The following CTNNB1 variants were observed in gnomAD, a reference collection of about 807,000 sequenced individuals.
The protein encoded by CTNNB1 is catenin beta 1.
A neutral mutation model predicts 82.5 loss-of-function variants in CTNNB1; 6 were observed. That is an observed-to-expected ratio of 0.07 (90% CI 0.04 to 0.14). CTNNB1 has a LOEUF of 0.14. CTNNB1 is among the 10% of genes least tolerant of loss of function. CTNNB1 has a pLI of 1.00. For synonymous variants in CTNNB1, 312 were observed against 329.7 expected, an observed-to-expected ratio of 0.95 and a Z score of 0.58; for missense variants, 529 against 980.4, an observed-to-expected ratio of 0.54 and a Z score of 6.15.
At chr3:41,202,646 T>G (rs2077558446) in intron 1 of CTNNB1, among the ~76,000 whole-genome samples, 1 of 152,202 alleles carries the variant, frequency 6.6e-6, no homozygotes, top group Admixed American at 6.5e-5. Flanking sequence ...CAGATTCAGT[T>G]GTCCTTCTCT....
intron 7 of CTNNB1, among the ~76,000 whole-genome samples, chr3:41,231,901 C>T (rs1222904481): frequency 6.6e-6 from 1 of 152,074 alleles, no homozygotes; most frequent in East Asian, 1.9e-4. Flanking sequence ...GTGGAGGGGA[C>T]AACATTGGTA....
rs146862776 is a variant in CTNNB1, at chr3:41,213,576, A to G, written c.-48-10445A>G. 1.6e-3 allele frequency among the ~76,000 whole-genome samples: 242 copies of G among 152,348 alleles called. 1 individual carries two copies. The highest frequency in any genetic ancestry group is 5.2e-3 in the African/African-American group (216 of 41,580). ...CTGATGCATAAATATTTGTTGAATG[A>G]AAGTCTGTACATTGTATTTATGCTA... On this transcript the variant is annotated intron_variant, in intron 1 of 14. Coordinates refer to ENST00000349496, the MANE Select transcript of CTNNB1 (RefSeq NM_001904.4).
In CTNNB1 at chr3:41,236,613, C is replaced by T. The variant is rs2078441737; in HGVS notation, c.1980C>T (p.Phe660=). The T allele has an allele frequency of 6.2e-7, 1 of 1,614,060 alleles. No homozygotes were observed. The highest frequency in any genetic ancestry group is 8.5e-7 in the Non-Finnish European group (1 of 1,180,050). ...CGACATATGCAGCTGCTGTTTTGTT[C>T]CGAATGTCTGAGGACAAGCCACAAG... ...GVATYAAAVL[F]RMSEDKPQDY... is the part of the protein sequence containing the mutation. The change falls in exon 13 of 15, where the codon TTC becomes TTT. Residue 660 remains phenylalanine, a synonymous_variant. Transcript: ENST00000349496.
intron 7 of CTNNB1, among the ~76,000 whole-genome samples, chr3:41,232,827 A>G (rs1466436467): frequency 1.3e-5 from 2 of 152,134 alleles, no homozygotes; most frequent in Non-Finnish European, 1.5e-5. Flanking sequence ...CTAATTATCT[A>G]TTTAAAATCG....
At chr3:41,223,100 C>T (rs1238561194) in intron 1 of CTNNB1, among the ~76,000 whole-genome samples, 2 of 152,078 alleles carry the variant, frequency 1.3e-5, no homozygotes, top group African/African-American at 4.8e-5. Flanking sequence ...ATAGTTCACA[C>T]TTAAATATTT....
At chr3:41,220,507 T>G (rs1284177460) in intron 1 of CTNNB1, 1 of 148,184 alleles carries the variant, frequency 6.7e-6, no homozygotes, top group Non-Finnish European at 1.5e-5. Flanking sequence ...TTGCATGAAG[T>G]GTGTTAAAAC....
intron 12 of CTNNB1, 42 bp from the exon 13 acceptor site, chr3:41,236,545 GT>G: frequency 6.2e-7 from 1 of 1,614,202 alleles, no homozygotes; most frequent in Non-Finnish European, 8.5e-7. Context: ...GTACATTGAA[GT>G]CTCAGTTTTT....
chr3:41,214,814 C>T (rs1469564656), intron 1 of CTNNB1, among the ~76,000 whole-genome samples: 3 of 151,706 alleles, frequency 2.0e-5, no homozygotes, highest in Non-Finnish European at 2.9e-5. Context: ...TATTTTGTGA[C>T]GTGAAAATTA....
At chr3:41,218,019 C>T (rs1243584391) in intron 1 of CTNNB1, among the ~76,000 whole-genome samples, 1 of 152,046 alleles carries the variant, frequency 6.6e-6, no homozygotes, top group Non-Finnish European at 1.5e-5. Flanking sequence ...GTTTCAATTT[C>T]GACTCATGCT....
Position 41,225,786 on chromosome 3 carries a change from C to G in CTNNB1, c.861C>G (p.Asn287Lys). The change falls in exon 6 of 15, where the codon AAC becomes AAG. Residue 287 changes from asparagine (N) to lysine (K), a missense_variant. Coordinates refer to ENST00000349496, the MANE Select transcript of CTNNB1 (RefSeq NM_001904.4). The surrounding 1 kb of genome is among the most constrained non-coding windows in gnomAD (Gnocchi z 5.3). ...TGCAGAAAATGGTTGCCTTGCTCAACAAAACAAATGTTAAATTCTTGGCTA... is the reference window on the plus strand; with the variant it reads ...TGCAGAAAATGGTTGCCTTGCTCAAGAAAACAAATGTTAAATTCTTGGCTA... ...GGLQKMVALL[N>K]KTNVKFLAIT... is the part of the protein sequence containing the mutation. The G allele has an allele frequency of 6.2e-7, 1 of 1,614,078 alleles. No homozygotes were observed. The highest frequency in any genetic ancestry group is 8.5e-7 in the Non-Finnish European group (1 of 1,179,990).
At position 41,227,359 on chromosome 3, in the gene CTNNB1, A is replaced by AT. The variant is rs765837413; in HGVS notation, c.1081+8dup. The AT allele has an allele frequency of 2.5e-6, 4 of 1,613,512 alleles. No homozygotes were observed. The African/African-American group carries it at 5.3e-5, about 22-fold the overall frequency. ...CCGGCTATTGTAGAAGCTGGTAAGT[A>AT]TATGTATCTATTCTGAGTCTTGTGT... On this transcript the variant is annotated splice_region_variant and intron_variant, in intron 7 of 14. Coordinates refer to ENST00000349496, the MANE Select transcript of CTNNB1 (RefSeq NM_001904.4).
At chr3:41,208,507 C>T (rs1424169998) in intron 1 of CTNNB1, among the ~76,000 whole-genome samples, 3 of 152,196 alleles carry the variant, frequency 2.0e-5, no homozygotes, top group Admixed American at 6.5e-5. Context: ...CTAGTAAATA[C>T]GTCAGTTCCA....
intron 2 of CTNNB1, 31 bp downstream of exon 2, chr3:41,224,112 T>C (rs746112994): frequency 2.5e-6 from 4 of 1,613,424 alleles, no homozygotes; most frequent in East Asian, 2.2e-5. Flanking sequence ...AGTTACTGAA[T>C]TGGGGCTCTG....
chr3:41,200,238 T>C (rs934384135), intron 1 of CTNNB1: 2 of 152,240 alleles, frequency 1.3e-5, no homozygotes, highest in African/African-American at 4.8e-5. Flanking sequence ...TTATTTTTTT[T>C]AATGCCCTGG....
chr3:41,209,731 G>A (rs367985756), intron 1 of CTNNB1, among the ~76,000 whole-genome samples: 1 of 152,078 alleles, frequency 6.6e-6, no homozygotes, highest in Admixed American at 6.5e-5. Context: ...TTATCTAAAC[G>A]TATTGAAACA....
At chr3:41,210,922 T>C in intron 1 of CTNNB1, 1 of 415,306 alleles carries the variant, frequency 2.4e-6, no homozygotes, top group East Asian at 7.2e-5. Context: ...CCCAAGTAGC[T>C]GGGACTACAC....
In CTNNB1 at chr3:41,234,219, A is replaced by T; in HGVS notation, c.1605A>T (p.Arg535=). The T allele has an allele frequency of 6.2e-7, 1 of 1,614,168 alleles. No homozygotes were observed. Among genetic ancestry groups the T allele is most frequent in the Non-Finnish European group, 8.5e-7 (1 of 1,180,020 alleles). ...TGCGTGAGCAGGGTGCCATTCCACGACTAGTTCAGTTGCTTGTTCGTGCAC... is the reference window on the plus strand; with the variant it reads ...TGCGTGAGCAGGGTGCCATTCCACGTCTAGTTCAGTTGCTTGTTCGTGCAC... The part of the protein sequence containing the change: ...APLREQGAIP[R]LVQLLVRAHQ... The change falls in exon 10 of 15, where the codon CGA becomes CGT. Residue 535 remains arginine, a synonymous_variant. Transcript: ENST00000349496.
chr3:41,216,357 A>G (rs2077916761), intron 1 of CTNNB1, among the ~76,000 whole-genome samples: 1 of 152,252 alleles, frequency 6.6e-6, no homozygotes, highest in Non-Finnish European at 1.5e-5. Flanking sequence ...TGACTCAGAA[A>G]CCTAGTGACT....
chr3:41,233,871 A>G lies in CTNNB1; in HGVS notation c.1524+4A>G. The G allele has an allele frequency of 1.2e-6, 2 of 1,613,788 alleles. No individual in the cohort carries two copies. The highest frequency in any genetic ancestry group is 8.5e-7 in the Non-Finnish European group (1 of 1,179,722). ...ATCCCACTGGCCTCTGATAAAGGTAAATTGTCAAAGTAGAATTTACCTTTG... is the reference window on the plus strand; with the variant it reads ...ATCCCACTGGCCTCTGATAAAGGTAGATTGTCAAAGTAGAATTTACCTTTG... On this transcript the variant is annotated splice_donor_region_variant and intron_variant, in intron 9 of 14. Transcript: ENST00000349496.
Sources: gnomAD v4.1 joint callset for allele counts (sites outside exome capture counted in the v4.1 genomes callset) on GRCh38, gnomAD v4.1.1 for gene constraint, Gnocchi (gnomAD v3.1) non-coding constraint, MANE v1.5 for transcripts, NCBI Gene and HGNC (gene_info 2026-07-23, HGNC 2026-07-21) for gene names.